The following NUAK1 variants were observed in gnomAD, a reference collection of about 807,000 sequenced individuals.
NUAK1 encodes NUAK family SNF1-like kinase 1.
Under a neutral mutation model 56.9 loss-of-function variants are expected in NUAK1, and 26 were observed. That is an observed-to-expected ratio of 0.46 (90% CI 0.33 to 0.63). The LOEUF (loss-of-function observed/expected upper bound fraction) is 0.63. Ranked by LOEUF, NUAK1 falls within the 30% of genes least tolerant of loss-of-function variation. The probability of loss-of-function intolerance (pLI) is 0.02; values close to 1 mark genes in which losing one functional copy is unlikely to be tolerated. For synonymous variants in NUAK1, 337 were observed against 336.0 expected, an observed-to-expected ratio of 1.00 and a Z score of -0.03; for missense variants, 727 against 876.1, an observed-to-expected ratio of 0.83 and a Z score of 2.15.
rs1306262119 is a variant in NUAK1, at chr12:106,065,033, C to A, written c.*1769G>T. On this transcript the variant is annotated 3_prime_UTR_variant, in exon 7 of 7. Coordinates refer to ENST00000261402, the MANE Select transcript of NUAK1 (RefSeq NM_014840.3). The stretch of plus-strand genomic sequence containing the variant: ...TCCATTCTAATGCACTTTCTTAGCA[C>A]TGTAAGGTGAATTTTTTTCTCATCT... 2 of 152,194 alleles carry A rather than the reference C, an allele frequency of 1.3e-5. No individual in the cohort carries two copies. Among genetic ancestry groups the A allele is most frequent in the African/African-American group, 4.8e-5 (2 of 41,440 alleles). The allele number at this position is 152,194 out of a possible 1,614,324, so 9.4% of individuals were successfully genotyped here.
Position 106,067,932 on chromosome 12 carries a change from T to C in NUAK1, c.856A>G (p.Met286Val). 2.5e-6 allele frequency: 4 copies of C among 1,611,960 alleles called. No homozygotes were observed. Among genetic ancestry groups the C allele is most frequent in the Non-Finnish European group, 3.4e-6 (4 of 1,178,542 alleles). ...PSDARGLIRWMLMVNPDRRAT... is the reference protein window; with the variant it reads ...PSDARGLIRWVLMVNPDRRAT... ...CGGCGATCGGGGTTCACCATCAGCA[T>C]CCACCGTATGAGTCCTCGAGCATCT... The change falls in exon 7 of 7, where the codon ATG (methionine) becomes GTG (valine). Residue 286 changes from methionine (M) to valine (V), a missense_variant. Physicochemically the swap from Met to Val is conservative, Grantham distance 21. Transcript: ENST00000261402. This position sits in a 1 kb window ranked among gnomAD's most constrained non-coding sequence, Gnocchi z 6.0.
chr12:106,085,406 A>G (rs866884710), intron 3 of NUAK1, among the ~76,000 whole-genome samples: 1 of 152,212 alleles, frequency 6.6e-6, no homozygotes. Context: ...CTGTTCTCTA[A>G]TTACTTACAG....
intron 2 of NUAK1, among the ~76,000 whole-genome samples, chr12:106,095,046 C>A (rs1005100038): frequency 6.6e-6 from 1 of 152,148 alleles, no homozygotes; most frequent in East Asian, 1.9e-4. Context: ...TCAGCCATCA[C>A]CACAGGCTCA....
intron 4 of NUAK1, among the ~76,000 whole-genome samples, chr12:106,078,033 C>A (rs936641970): frequency 7.9e-5 from 12 of 152,194 alleles, no homozygotes; most frequent in Non-Finnish European, 1.6e-4. Context: ...CCGCCAATCA[C>A]TTGGTGCTGT....
intron 4 of NUAK1, among the ~76,000 whole-genome samples, chr12:106,077,871 G>A (rs2032479606): frequency 6.6e-6 from 1 of 152,214 alleles, no homozygotes; most frequent in South Asian, 2.1e-4. Context: ...CTACCTGGAA[G>A]TGCTGGTACC....
At chr12:106,082,603 C>T (rs997059967) in intron 4 of NUAK1, among the ~76,000 whole-genome samples, 4 of 152,214 alleles carry the variant, frequency 2.6e-5, no homozygotes, top group African/African-American at 7.2e-5. Context: ...ATTCCACTTC[C>T]TATTCCCATG....
chr12:106,119,321 G>A (rs1272987506), intron 1 of NUAK1, among the ~76,000 whole-genome samples: 2 of 152,018 alleles, frequency 1.3e-5, no homozygotes, highest in Admixed American at 6.6e-5. Context: ...GAGTGACCCC[G>A]ACCAGCCCTA....
intron 1 of NUAK1, among the ~76,000 whole-genome samples, chr12:106,114,877 C>T (rs1406619789): frequency 6.6e-6 from 1 of 152,202 alleles, no homozygotes; most frequent in Non-Finnish European, 1.5e-5. Flanking sequence ...GGCAGATACT[C>T]TTCAGGGTGC....
At chr12:106,125,112 C>T (rs1592863054) in intron 1 of NUAK1, among the ~76,000 whole-genome samples, 1 of 152,200 alleles carries the variant, frequency 6.6e-6, no homozygotes, top group Middle Eastern at 3.4e-3. Flanking sequence ...TTAGCTGAAG[C>T]CATGGAGGGG....
chr12:106,114,449 A>G (rs902553880), intron 1 of NUAK1, among the ~76,000 whole-genome samples: 45 of 152,254 alleles, frequency 3.0e-4, no homozygotes, highest in Admixed American at 2.3e-3. Context: ...TGCTGTGGCA[A>G]CATGGCAGAT....
intron 2 of NUAK1, among the ~76,000 whole-genome samples, chr12:106,101,580 A>C (rs1237865714): frequency 1.3e-5 from 2 of 152,184 alleles, no homozygotes. Context: ...CCAAGGAGAG[A>C]GGCCTGGAAC....
intron 1 of NUAK1, among the ~76,000 whole-genome samples, chr12:106,117,862 G>A (rs2032933692): frequency 6.6e-6 from 1 of 152,216 alleles, no homozygotes; most frequent in African/African-American, 2.4e-5. Context: ...AGCAGAGACT[G>A]CAAGCCAGGA....
intron 1 of NUAK1, among the ~76,000 whole-genome samples, chr12:106,112,133 G>A (rs2032865680): frequency 6.6e-6 from 1 of 151,948 alleles, no homozygotes; most frequent in Non-Finnish European, 1.5e-5. Flanking sequence ...GAGCAGCAGG[G>A]AAGAAACACA....
chr12:106,135,676 G>A (rs2033122952), intron 1 of NUAK1, among the ~76,000 whole-genome samples: 1 of 152,148 alleles, frequency 6.6e-6, no homozygotes. Context: ...AAAGGCACTG[G>A]TGCAAATGAA....
At chr12:106,135,864 G>A (rs2033124831) in intron 1 of NUAK1, among the ~76,000 whole-genome samples, 1 of 152,188 alleles carries the variant, frequency 6.6e-6, no homozygotes, top group Admixed American at 6.5e-5. Flanking sequence ...GCTCTTAACA[G>A]GTTCTGAGTC....
chr12:106,118,368 T>C (rs2032940276), intron 1 of NUAK1, among the ~76,000 whole-genome samples: 1 of 152,248 alleles, frequency 6.6e-6, no homozygotes, highest in South Asian at 2.1e-4. Context: ...GGACCACGCC[T>C]GTTTCCACAT....
chr12:106,131,700 A>C (rs892840926), intron 1 of NUAK1, among the ~76,000 whole-genome samples: 1 of 152,128 alleles, frequency 6.6e-6, no homozygotes, highest in African/African-American at 2.4e-5. Context: ...TTTGTGTAGA[A>C]GTTTCTGTGT....
At chr12:106,101,201 G>A (rs568749523) in intron 2 of NUAK1, among the ~76,000 whole-genome samples, 35 of 152,290 alleles carry the variant, frequency 2.3e-4, no homozygotes, top group African/African-American at 8.2e-4. Flanking sequence ...AAAAGGCCAG[G>A]CTGAGGTGGC....
chr12:106,110,864 CCAGCCAATTCTGTTACATGCAACAGGCA>C (rs2032851667), intron 1 of NUAK1, among the ~76,000 whole-genome samples: 1 of 152,202 alleles, frequency 6.6e-6, no homozygotes, highest in Admixed American at 6.5e-5. Context: ...CAAACTCAGC[CCAGCCAATTCTGTTACATGCAACAGGCA>C]CAGCCTCCTC....
Sources: gnomAD v4.1 joint callset for allele counts (sites outside exome capture counted in the v4.1 genomes callset) on GRCh38, gnomAD v4.1.1 for gene constraint, Gnocchi (gnomAD v3.1) non-coding constraint, MANE v1.5 for transcripts, NCBI Gene and HGNC (gene_info 2026-07-23, HGNC 2026-07-21) for gene names.